TNS3: variants seen among roughly 807,000 people sequenced by gnomAD.
The protein encoded by TNS3 is tensin-3.
TNS3 carries 45 observed loss-of-function variants against 140.9 expected under a neutral mutation model. The observed-to-expected ratio is 0.32, with a 90% CI of 0.25 to 0.41. TNS3 has a LOEUF of 0.41. Ranked by LOEUF, TNS3 falls within the 10% of genes least tolerant of loss-of-function variation. TNS3 has a pLI of 1.00. For missense variants in TNS3, 1,716 were observed against 1,906.7 expected, an observed-to-expected ratio of 0.90 and a Z score of 1.86; for synonymous variants, 815 against 788.4, an observed-to-expected ratio of 1.03 and a Z score of -0.56.
intron 1 of TNS3, among the ~76,000 whole-genome samples, chr7:47,543,897 C>T (rs1799856666): frequency 6.6e-6 from 1 of 152,204 alleles, no homozygotes; most frequent in Non-Finnish European, 1.5e-5. Flanking sequence ...TGACTTCTGA[C>T]ATCCTTTGCA....
intron 20 of TNS3, among the ~76,000 whole-genome samples, chr7:47,336,721 C>A (rs902959065): frequency 6.6e-6 from 1 of 152,064 alleles, no homozygotes; most frequent in Non-Finnish European, 1.5e-5. Context: ...CTCATGTACT[C>A]CATACACACC....
chr7:47,542,504 C>G (rs1289184489), intron 1 of TNS3, among the ~76,000 whole-genome samples: 1 of 152,180 alleles, frequency 6.6e-6, no homozygotes, highest in East Asian at 1.9e-4. Context: ...ATACTCTGGG[C>G]AGATGACTCC....
chr7:47,368,738 C>A lies in TNS3; in HGVS notation c.1908G>T (p.Gly636=). ...TCTGGACAGCCACCCTACTGCTGGT[C>A]CCTCGGGTGGGGGTGAGTGGCACTC... ...QPRVPLTPTR[G]TSSRVAVQRG... Residue 636 remains glycine, a synonymous_variant, in exon 17 of 31, where the codon GGG becomes GGT. Coordinates refer to ENST00000311160, the MANE Select transcript of TNS3 (RefSeq NM_022748.12). 1 of 1,579,362 alleles carries A rather than the reference C, an allele frequency of 6.3e-7. No homozygotes were observed. Among genetic ancestry groups the A allele is most frequent in the Non-Finnish European group, 8.6e-7 (1 of 1,162,150 alleles).
intron 20 of TNS3, among the ~76,000 whole-genome samples, chr7:47,307,703 T>C (rs1786839658): frequency 6.6e-6 from 1 of 152,268 alleles, no homozygotes; most frequent in African/African-American, 2.4e-5. Context: ...ACTAATGATG[T>C]TGAACATCTT....
chr7:47,536,702 C>T (rs1799610778), intron 1 of TNS3, among the ~76,000 whole-genome samples: 1 of 152,340 alleles, frequency 6.6e-6, no homozygotes, highest in African/African-American at 2.4e-5. Context: ...CAAAGCTCCA[C>T]TGGCCCTCTC....
At chr7:47,331,621 T>C (rs1788347553) in intron 20 of TNS3, among the ~76,000 whole-genome samples, 1 of 152,222 alleles carries the variant, frequency 6.6e-6, no homozygotes, top group Non-Finnish European at 1.5e-5. Context: ...AAAGTTTACT[T>C]TCATTCCAAA....
chr7:47,504,380 G>A (rs1174834906), intron 3 of TNS3, among the ~76,000 whole-genome samples: 2 of 152,206 alleles, frequency 1.3e-5, no homozygotes, highest in South Asian at 2.1e-4. Context: ...GACAGCAGCA[G>A]ATCAACAGCA....
chr7:47,486,037 C>T (rs1200256466), intron 3 of TNS3, among the ~76,000 whole-genome samples: 5 of 142,986 alleles, frequency 3.5e-5, no homozygotes, highest in African/African-American at 2.6e-5. Context: ...GGGGTGAGTG[C>T]AGGTGTGTGA....
Position 47,303,382 on chromosome 7 carries a change from C to A in TNS3, c.3025G>T (p.Asp1009Tyr). Residue 1009 changes from aspartate to tyrosine, a missense_variant, in exon 22 of 31, where the codon GAC becomes TAC. Asp to Tyr is a radical substitution (Grantham distance 160). Coordinates refer to ENST00000311160, the MANE Select transcript of TNS3 (RefSeq NM_022748.12). ...TGGCTGCTGGGAGGCGCCAGGGAGT[C>A]CGGTGGCTCTGCTAGGGACAGCTCA... ...SHELSLAEPP[D>Y]SLAPPSSQAF... 1 of 1,613,812 alleles carries A rather than the reference C, an allele frequency of 6.2e-7. No homozygotes were observed.
At chr7:47,578,951 G>A (rs1309095461) in intron 1 of TNS3, among the ~76,000 whole-genome samples, 3 of 142,602 alleles carry the variant, frequency 2.1e-5, no homozygotes, top group Non-Finnish European at 4.7e-5. Flanking sequence ...TGGTGGCAGC[G>A]ATTTTTCTTG....
At chr7:47,531,162 T>C (rs962437147) in intron 1 of TNS3, among the ~76,000 whole-genome samples, 5 of 151,894 alleles carry the variant, frequency 3.3e-5, no homozygotes, top group Non-Finnish European at 5.9e-5. Context: ...AGTACTACGC[T>C]TATTACCTGG....
intron 20 of TNS3, among the ~76,000 whole-genome samples, chr7:47,342,682 C>T (rs1021528213): frequency 7.2e-5 from 11 of 152,218 alleles, no homozygotes; most frequent in Admixed American, 7.2e-4. Flanking sequence ...TTACTAGCTA[C>T]TCAACTTCTT....
At chr7:47,525,591 TGAACTCTACAAA>T (rs2151931061) in intron 2 of TNS3, among the ~76,000 whole-genome samples, 1 of 152,384 alleles carries the variant, frequency 6.6e-6, no homozygotes, top group Non-Finnish European at 1.5e-5. Context: ...ATAGAGCAGC[TGAACTCTACAAA>T]GTGGTCTGAA....
chr7:47,503,105 G>A (rs905731186), intron 3 of TNS3, among the ~76,000 whole-genome samples: 9 of 152,120 alleles, frequency 5.9e-5, no homozygotes, highest in African/African-American at 2.2e-4. Flanking sequence ...TAACTCCTGC[G>A]TATGGTCCCT....
At chr7:47,325,853 A>AT (rs928941546) in intron 20 of TNS3, among the ~76,000 whole-genome samples, 3 of 152,008 alleles carry the variant, frequency 2.0e-5, no homozygotes, top group Non-Finnish European at 4.4e-5. Flanking sequence ...CTTGGATGTT[A>AT]TTTTTTTTAA....
intron 3 of TNS3, among the ~76,000 whole-genome samples, chr7:47,485,518 G>A (rs1056332403): frequency 3.3e-5 from 5 of 152,222 alleles, no homozygotes; most frequent in Admixed American, 2.6e-4. Flanking sequence ...AGGGATTAGG[G>A]TGACAAGAGG....
intron 27 of TNS3, 27 bp downstream of exon 27, chr7:47,291,928 T>C (rs778265302): frequency 4.3e-6 from 7 of 1,612,476 alleles, no homozygotes; most frequent in Non-Finnish European, 5.9e-6. Context: ...AGTCACCAGA[T>C]GTAGAAATGG....
intron 1 of TNS3, among the ~76,000 whole-genome samples, chr7:47,546,923 G>A (rs570303031): frequency 3.3e-5 from 5 of 152,236 alleles, no homozygotes; most frequent in Non-Finnish European, 5.9e-5. Flanking sequence ...AAAGACAGAC[G>A]CCAGGTTTTA....
intron 20 of TNS3, among the ~76,000 whole-genome samples, chr7:47,326,569 A>G (rs1037721440): frequency 5.3e-5 from 8 of 151,934 alleles, no homozygotes; most frequent in African/African-American, 1.9e-4. Context: ...AGCAGAAGAC[A>G]GCACCAGGCT....
Sources: gnomAD v4.1 joint callset for allele counts (sites outside exome capture counted in the v4.1 genomes callset) on GRCh38, gnomAD v4.1.1 for gene constraint, MANE v1.5 for transcripts, NCBI Gene and HGNC (gene_info 2026-07-23, HGNC 2026-07-21) for gene names.